The following LRP12 variants were observed in gnomAD, a reference collection of about 807,000 sequenced individuals.
LRP12 encodes the protein LDL receptor related protein 12.
Under a neutral mutation model 66.0 loss-of-function variants are expected in LRP12, and 14 were observed. The ratio of observed to expected loss-of-function variants is 0.21; its 90% confidence interval spans 0.14 to 0.33. The LOEUF (loss-of-function observed/expected upper bound fraction) is 0.33. Among genes scored for constraint, LRP12 ranks in the 10% least tolerant of loss-of-function variants. The pLI, the probability that LRP12 is intolerant of heterozygous loss-of-function variation, is 1.00. For missense variants in LRP12, 889 were observed against 1,053.4 expected (o/e 0.84, Z 2.16); for synonymous variants, 357 against 359.1 (o/e 0.99, Z 0.07).
chr8:104,577,335 C>T lies in LRP12; in HGVS notation c.79+11484G>A, dbSNP rs865795841. The stretch of plus-strand genomic sequence containing the variant: ...ATTGATTACATAATCAGAAGCAAAA[C>T]ACTCCTCAGCAAATACAAAAGAAAT... On this transcript the variant is annotated intron_variant, in intron 1 of 6. Transcript: ENST00000276654. Among the ~76,000 whole-genome samples the T allele has an allele frequency of 5.3e-5, 8 of 152,124 alleles. 1 individual carries two copies. The highest frequency in any genetic ancestry group is 1.9e-4 in the African/African-American group (8 of 41,424).
chr8:104,556,721 T>C (rs941549034), intron 1 of LRP12, among the ~76,000 whole-genome samples: 1 of 152,138 alleles, frequency 6.6e-6, no homozygotes, highest in Non-Finnish European at 1.5e-5. Flanking sequence ...ATTAACACTA[T>C]TCCAAAGATA....
At chr8:104,556,409 A>C (rs1811809404) in intron 1 of LRP12, among the ~76,000 whole-genome samples, 1 of 152,206 alleles carries the variant, frequency 6.6e-6, no homozygotes, top group South Asian at 2.1e-4. Context: ...GAGATTAAGC[A>C]AGAAGAGAGA....
chr8:104,501,907 C>T (rs560339606), intron 3 of LRP12, among the ~76,000 whole-genome samples: 1 of 152,118 alleles, frequency 6.6e-6, no homozygotes, highest in South Asian at 2.1e-4. Flanking sequence ...CTTGGTGTTT[C>T]CAAAGATCTC....
At position 104,548,195 on chromosome 8, in the gene LRP12, A is replaced by T. The variant is rs376634226; in HGVS notation, c.80-16232T>A. ...TAATATAATATATAATATATATATA[A>T]ATATATGATATATTTATATTAATAT... On this transcript the variant is annotated intron_variant, in intron 1 of 6. Transcript: ENST00000276654. 9.1e-3 allele frequency among the ~76,000 whole-genome samples: 863 copies of T among 94,862 alleles called. 11 individuals are homozygous for T. Among genetic ancestry groups the T allele is most frequent in the Non-Finnish European group, 0.013 (701 of 55,230 alleles). 62.2% of individuals were successfully genotyped at this position (94,862 alleles called of 152,430 possible).
chr8:104,521,323 A>C (rs1811148268), intron 2 of LRP12, among the ~76,000 whole-genome samples: 1 of 151,714 alleles, frequency 6.6e-6, no homozygotes, highest in South Asian at 2.1e-4. Flanking sequence ...CCTGTAATGT[A>C]ACATAAAAAT....
chr8:104,560,644 T>C (rs1418094464), intron 1 of LRP12, among the ~76,000 whole-genome samples: 1 of 152,214 alleles, frequency 6.6e-6, no homozygotes, highest in Non-Finnish European at 1.5e-5. Flanking sequence ...TTTACCTCCA[T>C]ATACTTCAAC....
chr8:104,549,596 G>C (rs1310796140), intron 1 of LRP12, among the ~76,000 whole-genome samples: 1 of 151,868 alleles, frequency 6.6e-6, no homozygotes, highest in South Asian at 2.1e-4. Flanking sequence ...TAGAGATGGG[G>C]TTTCACCGTG....
intron 1 of LRP12, among the ~76,000 whole-genome samples, chr8:104,585,857 A>C (rs73297116): frequency 0.017 from 2,564 of 152,340 alleles, 70 homozygotes; most frequent in African/African-American, 0.058. Context: ...ATTGTGGTTT[A>C]GGAGGTGAGC....
chr8:104,578,309 C>T (rs1812197336), intron 1 of LRP12, among the ~76,000 whole-genome samples: 1 of 152,128 alleles, frequency 6.6e-6, no homozygotes, highest in Non-Finnish European at 1.5e-5. Flanking sequence ...GGATAAATTA[C>T]TGGACACATA....
At chr8:104,584,944 T>C (rs1254310157) in intron 1 of LRP12, among the ~76,000 whole-genome samples, 1 of 152,210 alleles carries the variant, frequency 6.6e-6, no homozygotes, top group African/African-American at 2.4e-5. Flanking sequence ...TTCCATAAAA[T>C]TCATGGGAAA....
intron 4 of LRP12, among the ~76,000 whole-genome samples, chr8:104,498,527 C>T (rs73293298): frequency 0.017 from 2,566 of 152,264 alleles, 69 homozygotes; most frequent in African/African-American, 0.058. Flanking sequence ...CAGCTTCATC[C>T]ATCCATCCAG....
intron 2 of LRP12, among the ~76,000 whole-genome samples, chr8:104,526,195 T>A (rs1280875669): frequency 1.3e-5 from 2 of 151,692 alleles, no homozygotes; most frequent in African/African-American, 4.8e-5. Context: ...TACAAACAAA[T>A]GGAAGAACAT....
intron 1 of LRP12, among the ~76,000 whole-genome samples, chr8:104,585,642 G>A (rs1207270187): frequency 6.6e-6 from 1 of 152,174 alleles, no homozygotes; most frequent in Non-Finnish European, 1.5e-5. Context: ...AAGAAGGGAA[G>A]GGTGAGAAAG....
Position 104,489,321 on chromosome 8 carries a change from A to C in LRP12, c.*1352T>G, listed in dbSNP as rs1290495692. The stretch of plus-strand genomic sequence containing the variant: ...ATCTTAGTCAGTTCCTCCTGACAGC[A>C]TTAACACAGACAAATACACAAGACT... On this transcript the variant is annotated 3_prime_UTR_variant, in exon 7 of 7. Coordinates refer to ENST00000276654, the MANE Select transcript of LRP12 (RefSeq NM_013437.5). 1 of 152,604 alleles carries C rather than the reference A, an allele frequency of 6.6e-6. No individual in the cohort carries two copies. The highest frequency in any genetic ancestry group is 1.9e-4 in the East Asian group (1 of 5,200). The allele number at this position is 152,604 out of a possible 1,614,324, so 9.5% of individuals were successfully genotyped here.
intron 1 of LRP12, among the ~76,000 whole-genome samples, chr8:104,582,926 C>T (rs1333883925): frequency 6.6e-6 from 1 of 152,080 alleles, no homozygotes; most frequent in African/African-American, 2.4e-5. Context: ...ATGTAATGTC[C>T]ACCTTCCCAC....
At chr8:104,525,047 T>C (rs1024162876) in intron 2 of LRP12, among the ~76,000 whole-genome samples, 6 of 152,094 alleles carry the variant, frequency 3.9e-5, no homozygotes, top group Non-Finnish European at 7.4e-5. Flanking sequence ...AAAAGAAACA[T>C]ATAATTTAGA....
At chr8:104,562,811 G>A (rs1811934662) in intron 1 of LRP12, among the ~76,000 whole-genome samples, 1 of 152,064 alleles carries the variant, frequency 6.6e-6, no homozygotes, top group African/African-American at 2.4e-5. Context: ...AAACCTTGAG[G>A]GTAGGTAGTG....
At chr8:104,498,384 C>T (rs967695459) in intron 4 of LRP12, among the ~76,000 whole-genome samples, 3 of 151,248 alleles carry the variant, frequency 2.0e-5, no homozygotes, top group African/African-American at 7.3e-5. Flanking sequence ...CCCACCCCAC[C>T]CTCCCTAGAA....
chr8:104,531,224 T>C (rs1268909743), intron 2 of LRP12, among the ~76,000 whole-genome samples: 2 of 152,144 alleles, frequency 1.3e-5, no homozygotes, highest in African/African-American at 4.8e-5. Flanking sequence ...AGAAAACCTA[T>C]TTCAATATAT....
Sources: allele counts gnomAD v4.1 joint callset (sites outside exome capture counted in the v4.1 genomes callset), GRCh38; gene constraint gnomAD v4.1.1; transcripts MANE v1.5; gene names NCBI Gene and HGNC (gene_info 2026-07-23, HGNC 2026-07-21).